GRID2: variants seen among roughly 807,000 people sequenced by gnomAD.
The protein encoded by GRID2 is glutamate ionotropic receptor delta type subunit 2, also known as glutamate receptor ionotropic, delta-2.
A neutral mutation model predicts 114.8 loss-of-function variants in GRID2; 33 were observed. The observed-to-expected ratio is 0.29, with a 90% CI of 0.22 to 0.38. The LOEUF is 0.38. Among genes scored for constraint, GRID2 ranks in the 10% least tolerant of loss-of-function variants. GRID2 has a pLI of 1.00. For synonymous variants in GRID2, 505 were observed against 449.9 expected (o/e 1.12, Z -1.55); for missense variants, 1,184 against 1,257.7 (o/e 0.94, Z 0.89).
At chr4:92,921,288 G>GT (rs1358502120) in intron 2 of GRID2, among the ~76,000 whole-genome samples, 2 of 151,922 alleles carry the variant, frequency 1.3e-5, no homozygotes, top group African/African-American at 4.8e-5. Flanking sequence ...TTTACCGTGG[G>GT]TTCGAACTTC....
intron 1 of GRID2, among the ~76,000 whole-genome samples, chr4:92,320,010 G>C (rs1267228319): frequency 6.6e-6 from 1 of 152,158 alleles, no homozygotes; most frequent in African/African-American, 2.4e-5. Context: ...AGAGAGGTGA[G>C]AGAGGTTGCA....
In GRID2 at chr4:92,443,135, C is replaced by T. The variant is rs180997815; in HGVS notation, c.88+138391C>T. Among the ~76,000 whole-genome samples the T allele has an allele frequency of 5.4e-3, 821 of 151,978 alleles. 6 individuals are homozygous for T. Among genetic ancestry groups the T allele is most frequent in the South Asian group, 9.8e-3 (47 of 4,798 alleles). ...GGAGGGAAAGAAGGAAGATTTGGGA[C>T]GAGTTGCACTGGGCACAGAGACTAG... On this transcript the variant is annotated intron_variant, in intron 1 of 15. Coordinates refer to ENST00000282020, the MANE Select transcript of GRID2 (RefSeq NM_001510.4).
At chr4:93,346,461 T>C (rs1219570205) in intron 8 of GRID2, among the ~76,000 whole-genome samples, 1 of 152,166 alleles carries the variant, frequency 6.6e-6, no homozygotes, top group Non-Finnish European at 1.5e-5. Context: ...CTTTTCCCCC[T>C]TCTCTGATCT....
chr4:93,128,805 G>A (rs1734535656), intron 4 of GRID2, among the ~76,000 whole-genome samples: 1 of 152,116 alleles, frequency 6.6e-6, no homozygotes, highest in African/African-American at 2.4e-5. Flanking sequence ...GCTTAGAGTT[G>A]CTACAAAAAA....
chr4:93,623,192 A>T lies in GRID2; in HGVS notation c.2194-3077A>T, dbSNP rs143124724. The stretch of plus-strand genomic sequence containing the variant: ...TATTATACTTTAAGTTCTGGGATAC[A>T]TGTGCAGAACCTGTGCAGGTTTGTT... On this transcript the variant is annotated intron_variant, in intron 13 of 15. Transcript: ENST00000282020. Among the ~76,000 whole-genome samples the T allele has an allele frequency of 1.2e-4, 19 of 152,258 alleles. 1 individual carries two copies. The East Asian group carries it at 3.7e-3, about 29-fold the overall frequency.
intron 14 of GRID2, among the ~76,000 whole-genome samples, chr4:93,661,390 T>G (rs1723478395): frequency 6.6e-6 from 1 of 152,196 alleles, no homozygotes; most frequent in Admixed American, 6.5e-5. Flanking sequence ...TTTCTTTAGT[T>G]GGTGACTTTG....
intron 2 of GRID2, among the ~76,000 whole-genome samples, chr4:92,840,361 T>C (rs1406581480): frequency 6.6e-6 from 1 of 151,992 alleles, no homozygotes; most frequent in Admixed American, 6.6e-5. Flanking sequence ...CCTGCCATTT[T>C]TTTAAATTTG....
intron 6 of GRID2, among the ~76,000 whole-genome samples, chr4:93,218,243 A>G (rs1026573017): frequency 2.0e-5 from 3 of 151,934 alleles, no homozygotes; most frequent in African/African-American, 4.8e-5. Flanking sequence ...GGCTACACCT[A>G]CAATCCCAGC....
intron 1 of GRID2, among the ~76,000 whole-genome samples, chr4:92,383,818 T>C (rs1294097409): frequency 6.6e-6 from 1 of 151,990 alleles, no homozygotes; most frequent in African/African-American, 2.4e-5. Flanking sequence ...ATATTTCTGC[T>C]TAAAATCAAA....
intron 2 of GRID2, among the ~76,000 whole-genome samples, chr4:92,717,820 C>T (rs532045612): frequency 1.9e-4 from 29 of 152,236 alleles, no homozygotes; most frequent in African/African-American, 5.8e-4. Context: ...CACATACTTC[C>T]AGAGTGTTGC....
intron 1 of GRID2, among the ~76,000 whole-genome samples, chr4:92,523,413 A>T (rs1192186961): frequency 6.6e-6 from 1 of 152,054 alleles, no homozygotes; most frequent in Non-Finnish European, 1.5e-5. Context: ...GGCAAAAATT[A>T]GATTAATTTT....
intron 2 of GRID2, among the ~76,000 whole-genome samples, chr4:92,771,892 A>G (rs1336681208): frequency 6.6e-6 from 1 of 152,194 alleles, no homozygotes; most frequent in Non-Finnish European, 1.5e-5. Context: ...ATTCACTGTC[A>G]GGAATCATGT....
intron 3 of GRID2, among the ~76,000 whole-genome samples, chr4:93,085,836 A>G (rs1432498474): frequency 6.6e-6 from 1 of 152,134 alleles, no homozygotes; most frequent in Non-Finnish European, 1.5e-5. Flanking sequence ...AAGTCTCACA[A>G]AAGTACTAAG....
intron 14 of GRID2, among the ~76,000 whole-genome samples, chr4:93,718,393 A>G (rs1729086690): frequency 6.6e-6 from 1 of 152,234 alleles, no homozygotes; most frequent in South Asian, 2.1e-4. Flanking sequence ...TAAAATGACA[A>G]CTTTTAAGAA....
intron 2 of GRID2, among the ~76,000 whole-genome samples, chr4:92,927,505 A>G (rs1203735338): frequency 2.6e-5 from 4 of 151,972 alleles, no homozygotes; most frequent in Non-Finnish European, 5.9e-5. Context: ...TTGGGTTGCA[A>G]TAACAAAAAA....
intron 14 of GRID2, among the ~76,000 whole-genome samples, chr4:93,741,405 A>G (rs1731407402): frequency 6.6e-6 from 1 of 151,800 alleles, no homozygotes; most frequent in African/African-American, 2.4e-5. Context: ...TACTTCAACA[A>G]GGGCAGAAAG....
chr4:93,416,889 A>G (rs1257472144), intron 9 of GRID2, among the ~76,000 whole-genome samples: 2 of 152,068 alleles, frequency 1.3e-5, no homozygotes, highest in African/African-American at 2.4e-5. Flanking sequence ...TCCTCATGCT[A>G]ATGTACTTAG....
chr4:92,523,283 T>C (rs1724878748), intron 1 of GRID2, among the ~76,000 whole-genome samples: 1 of 152,044 alleles, frequency 6.6e-6, no homozygotes, highest in African/African-American at 2.4e-5. Flanking sequence ...AGGTGGAAGA[T>C]ATTTTTGACT....
intron 1 of GRID2, among the ~76,000 whole-genome samples, chr4:92,428,329 C>T (rs2110336305): frequency 6.6e-6 from 1 of 152,126 alleles, no homozygotes; most frequent in Admixed American, 6.5e-5. Context: ...TTTCAAGTTT[C>T]TAAAGAATTT....
Sources: allele counts gnomAD v4.1 joint callset (sites outside exome capture counted in the v4.1 genomes callset), GRCh38; gene constraint gnomAD v4.1.1; transcripts MANE v1.5; gene names NCBI Gene and HGNC (gene_info 2026-07-23, HGNC 2026-07-21).